The following TRIM48 variants were observed in gnomAD, a reference collection of about 807,000 sequenced individuals.
TRIM48 encodes the protein E3 ubiquitin-protein ligase TRIM48.
TRIM48 carries 31 observed loss-of-function variants against 29.5 expected under a neutral mutation model. That is an observed-to-expected ratio of 1.05 (90% CI 0.79 to 1.42). The LOEUF is 1.42. Ranked by LOEUF, TRIM48 falls within the 40% of genes most tolerant of loss-of-function variation. The pLI is 0.00. For missense variants in TRIM48, 344 were observed against 265.0 expected (o/e 1.30, Z -2.07); for synonymous variants, 128 against 90.6 (o/e 1.41, Z -2.34).
Position 55,267,795 on chromosome 11 carries a change from G to A in TRIM48, c.556-555G>A, listed in dbSNP as rs12291081. Among the ~76,000 whole-genome samples the A allele has an allele frequency of 8.8e-5, 13 of 147,498 alleles. 2 individuals carry two copies. Among genetic ancestry groups the A allele is most frequent in the African/African-American group, 3.0e-4 (12 of 40,336 alleles). ...TACTTTATTGGGAGAGTATAGCCCC[G>A]CCAAGGGATCCTACCAGGCCAAAGG... On this transcript the variant is annotated intron_variant, in intron 3 of 5. Transcript: ENST00000417545.
At chr11:55,267,500 C>T (rs1166224959) in intron 3 of TRIM48, 11 of 1,579,378 alleles carry the variant, frequency 7.0e-6, no homozygotes, top group Admixed American at 6.9e-5. Context: ...TTTGGAGATG[C>T]TGAAAAAGAA....
At position 55,265,306 on chromosome 11, in the gene TRIM48, G is replaced by A; in HGVS notation, c.451G>A (p.Glu151Lys). ...CTGTCCCGCTGAGTGGGCTGCTGAG[G>A]AACACTGGGTAAGTGATGCCTCTGA... is the stretch of plus-strand genomic sequence containing the variant. ...RHCPAEWAAE[E>K]HWEKLLKKMQ... The change falls in exon 2 of 6, where the codon GAA (glutamate) becomes AAA (lysine). Residue 151 changes from glutamate (E) to lysine (K), a missense_variant. Coordinates refer to ENST00000417545, the MANE Select transcript of TRIM48 (RefSeq NM_024114.5). 6.3e-7 allele frequency: 1 copy of A among 1,582,178 alleles called. No homozygotes were observed. The highest frequency in any genetic ancestry group is 8.6e-7 in the Non-Finnish European group (1 of 1,166,054).
rs935282894 is a variant in TRIM48 at position 55,262,220 on chromosome 11, G to C, written c.-48G>C. 6.7e-7 allele frequency: 1 copy of C among 1,486,180 alleles called. No homozygotes were observed. The highest frequency in any genetic ancestry group is 9.2e-7 in the Non-Finnish European group (1 of 1,089,488). The allele number at this position is 1,486,180 out of a possible 1,614,324, so 92.1% of individuals were successfully genotyped here. A position where few individuals can be genotyped will look rare whatever the true frequency, so the allele number is the denominator to read the frequency against. ...GTGTTTTGGTGACCTCTGAAACTCA[G>C]TACTGCAGCGAATGAGCTCCTGACC... On this transcript the variant is annotated 5_prime_UTR_variant, in exon 1 of 6. Coordinates refer to ENST00000417545, the MANE Select transcript of TRIM48 (RefSeq NM_024114.5).
intron 1 of TRIM48, among the ~76,000 whole-genome samples, chr11:55,262,618 T>C (rs1351709352): frequency 2.0e-5 from 3 of 152,164 alleles, no homozygotes; most frequent in Non-Finnish European, 4.4e-5. Context: ...TAAATATATG[T>C]GTAATGAGTG....
intron 3 of TRIM48, chr11:55,267,436 T>C (rs1431086057): frequency 1.9e-6 from 3 of 1,578,276 alleles, no homozygotes; most frequent in Non-Finnish European, 1.7e-6. Flanking sequence ...TAGAAGCTAT[T>C]AAAGCTGAGT....
rs1430923239 is a variant in TRIM48 at position 55,266,780 on chromosome 11, G to A, written c.555+1085G>A. Among the ~76,000 whole-genome samples, 9 of 147,698 alleles carry A rather than the reference G, an allele frequency of 6.1e-5. 1 individual carries two copies. The South Asian group carries it at 9.7e-4, about 16-fold the overall frequency. ...TATATGTGTGTGTGTGTGTCTGTGT[G>A]TAAAATTCCAGTTGGAGAGAACAGC... On this transcript the variant is annotated intron_variant, in intron 3 of 5. Transcript: ENST00000417545.
rs377417626 is a variant in TRIM48, at chr11:55,269,907, A to G, written c.*2-530A>G. ...AAGCTACATGTTAAGTCTAAAATCC[A>G]GCTTCAGCCCCAAGCTAACATGGAG... On this transcript the variant is annotated intron_variant, in intron 5 of 5. Coordinates refer to ENST00000417545, the MANE Select transcript of TRIM48 (RefSeq NM_024114.5). 1.1e-3 allele frequency among the ~76,000 whole-genome samples: 157 copies of G among 148,052 alleles called. 12 individuals carry two copies. Among genetic ancestry groups the G allele is most frequent in the African/African-American group, 3.7e-3 (151 of 40,596 alleles).
At chr11:55,264,104 C>T (rs541919352) in intron 1 of TRIM48, among the ~76,000 whole-genome samples, 2 of 152,104 alleles carry the variant, frequency 1.3e-5, no homozygotes, top group East Asian at 3.9e-4. Flanking sequence ...TAAAATTCAC[C>T]ATCACACCAT....
rs191532573 is a variant in TRIM48 at position 55,265,525 on chromosome 11, G to A, written c.460-75G>A. ...GGGACTTATTTGTCTCTCATTCTGGGCCCCCTCCCAATGAAACGGTCTGTA... is the reference window on the plus strand; with the variant it reads ...GGGACTTATTTGTCTCTCATTCTGGACCCCCTCCCAATGAAACGGTCTGTA... On this transcript the variant is annotated intron_variant, in intron 2 of 5. Coordinates refer to ENST00000417545, the MANE Select transcript of TRIM48 (RefSeq NM_024114.5). 255 of 1,525,372 alleles carry A rather than the reference G, an allele frequency of 1.7e-4. 28 individuals are homozygous for A. In the Admixed American group the frequency reaches 4.2e-3, roughly 25 times the overall value. 94.5% of individuals were successfully genotyped at this position (1,525,372 alleles called of 1,614,324 possible).
Position 55,271,060 on chromosome 11 carries a change from A to G in TRIM48, c.*625A>G, listed in dbSNP as rs1040639394. On this transcript the variant is annotated 3_prime_UTR_variant, in exon 6 of 6. Coordinates refer to ENST00000417545, the MANE Select transcript of TRIM48 (RefSeq NM_024114.5). The stretch of plus-strand genomic sequence containing the variant: ...GTTTTATGTCTTGAATTGCATTCTA[A>G]TGTTATTAAAACTCATTTATTGTGT... The G allele has an allele frequency of 1.6e-6, 2 of 1,278,888 alleles. No individual in the cohort carries two copies. Among genetic ancestry groups the G allele is most frequent in the South Asian group, 1.5e-5 (1 of 66,014 alleles). 79.2% of individuals were successfully genotyped at this position (1,278,888 alleles called of 1,614,324 possible).
Position 55,270,922 on chromosome 11 carries a change from T to G in TRIM48, c.*487T>G, listed in dbSNP as rs1857475968. On this transcript the variant is annotated 3_prime_UTR_variant, in exon 6 of 6. Coordinates refer to ENST00000417545, the MANE Select transcript of TRIM48 (RefSeq NM_024114.5). Reference sequence around the variant, plus strand: ...ACTTCCTCTCAGACCTATCTTTTTCTGTATTCTCCTCTGACCAGAGACAAA... The same window carrying G: ...ACTTCCTCTCAGACCTATCTTTTTCGGTATTCTCCTCTGACCAGAGACAAA... The G allele has an allele frequency of 6.4e-7, 1 of 1,557,128 alleles. No individual in the cohort carries two copies. The highest frequency in any genetic ancestry group is 8.7e-7 in the Non-Finnish European group (1 of 1,145,536).
At chr11:55,269,551 T>G (rs1169176493) in intron 5 of TRIM48, among the ~76,000 whole-genome samples, 10 of 147,858 alleles carry the variant, frequency 6.8e-5, no homozygotes, top group Admixed American at 1.4e-4. Context: ...CATTATGGCC[T>G]CATATGTACT....
intron 1 of TRIM48, among the ~76,000 whole-genome samples, chr11:55,262,985 G>A (rs1326568245): frequency 1.3e-5 from 2 of 151,996 alleles, no homozygotes; most frequent in Non-Finnish European, 2.9e-5. Context: ...TCAAATAAAG[G>A]AGAGTAACGA....
chr11:55,268,419 A>G lies in TRIM48; in HGVS notation c.578+47A>G, dbSNP rs756131597. 3.7e-5 allele frequency: 56 copies of G among 1,500,202 alleles called. 7 individuals carry two copies. Among genetic ancestry groups the G allele is most frequent in the Non-Finnish European group, 4.8e-5 (53 of 1,097,614 alleles). The allele number at this position is 1,500,202 out of a possible 1,614,324, so 92.9% of individuals were successfully genotyped here. A position where few individuals can be genotyped will look rare whatever the true frequency, so the allele number is the denominator to read the frequency against. ...AGCATATGTTCTTTCACTTTCCACG[A>G]ATATCAAAGCAGGCTCTACCAAAGT... On this transcript the variant is annotated intron_variant, in intron 4 of 5. Transcript: ENST00000417545.
intron 3 of TRIM48, chr11:55,267,626 G>GA: frequency 6.4e-7 from 1 of 1,561,688 alleles, no homozygotes; most frequent in African/African-American, 1.4e-5. Context: ...AACCACATGT[G>GA]GAGCTACTTC....
At chr11:55,265,538 G>A in intron 2 of TRIM48, 62 bp from the exon 3 acceptor site, 2 of 1,547,288 alleles carry the variant, frequency 1.3e-6, no homozygotes, top group Non-Finnish European at 1.8e-6. Flanking sequence ...CCCTCCCAAT[G>A]AAACGGTCTG....
In TRIM48 at chr11:55,270,965, T is replaced by G. The variant is rs545694638; in HGVS notation, c.*530T>G. 1 of 1,552,042 alleles carries G rather than the reference T, an allele frequency of 6.4e-7. No homozygotes were observed. Among genetic ancestry groups the G allele is most frequent in the African/African-American group, 1.4e-5 (1 of 72,820 alleles). On this transcript the variant is annotated 3_prime_UTR_variant, in exon 6 of 6. Transcript: ENST00000417545. ...GAGACAAATCAGAAATGTGTTCATCTGCTGTGGGAACCCCTTTATCCCAGA... is the reference window on the plus strand; with the variant it reads ...GAGACAAATCAGAAATGTGTTCATCGGCTGTGGGAACCCCTTTATCCCAGA...
chr11:55,267,279 G>C, intron 3 of TRIM48: 1 of 1,103,282 alleles, frequency 9.1e-7, no homozygotes, highest in South Asian at 1.8e-5. Context: ...GAAAAAATTT[G>C]TGGATTCTAA....
rs2120119962 is a variant in TRIM48 at position 55,270,397 on chromosome 11, T to C, written c.*2-40T>C. On this transcript the variant is annotated intron_variant, in intron 5 of 5. Coordinates refer to ENST00000417545, the MANE Select transcript of TRIM48 (RefSeq NM_024114.5). ...TACACATGCCTATGCATGTTTTCTT[T>C]CTTTCTTTCTTTCTATTTATTTATT... 1.4e-6 allele frequency: 2 copies of C among 1,402,446 alleles called. 1 individual carries two copies. Among genetic ancestry groups the C allele is most frequent in the East Asian group, 5.4e-5 (2 of 36,714 alleles). The allele number at this position is 1,402,446 out of a possible 1,614,324, so 86.9% of individuals were successfully genotyped here.
Sources: allele counts gnomAD v4.1 joint callset (sites outside exome capture counted in the v4.1 genomes callset), GRCh38; gene constraint gnomAD v4.1.1; transcripts MANE v1.5; gene names NCBI Gene and HGNC (gene_info 2026-07-23, HGNC 2026-07-21).